PLXNA4: variants seen among roughly 807,000 people sequenced by gnomAD.
PLXNA4 encodes the protein plexin-A4.
Under a neutral mutation model 191.8 loss-of-function variants are expected in PLXNA4, and 44 were observed. The ratio of observed to expected loss-of-function variants is 0.23; its 90% confidence interval spans 0.18 to 0.29. PLXNA4 has a LOEUF of 0.29. Among genes scored for constraint, PLXNA4 ranks in the 10% least tolerant of loss-of-function variants. The pLI is 1.00. For missense variants in PLXNA4, 1,800 were observed against 2,488.8 expected (o/e 0.72, Z 5.89); for synonymous variants, 1,082 against 1,009.5 (o/e 1.07, Z -1.36).
At chr7:132,463,116 G>A (rs1563113498) in intron 3 of PLXNA4, among the ~76,000 whole-genome samples, 3 of 152,036 alleles carry the variant, frequency 2.0e-5, no homozygotes, top group South Asian at 4.1e-4. Flanking sequence ...CTCTCAAAGT[G>A]CTAGGATTAC....
Position 132,211,141 on chromosome 7 carries a change from G to A in PLXNA4, c.2100C>T (p.Asp700=). 1 of 1,556,006 alleles carries A rather than the reference G, an allele frequency of 6.4e-7. No homozygotes were observed. Among genetic ancestry groups the A allele is most frequent in the South Asian group, 1.2e-5 (1 of 84,492 alleles). ...TGTCCACTCGCAGCAGCTGGGGGCA[G>A]TCCTGGGGACAGAGGGCATGGCTCA... ...FQEGRVKLPE[D]CPQLLRVDKI... Residue 700 remains aspartate (D), a splice_region_variant and synonymous_variant, in exon 10 of 32, where the codon GAC becomes GAT. Coordinates refer to ENST00000321063, the MANE Select transcript of PLXNA4 (RefSeq NM_020911.2).
At chr7:132,353,577 A>G (rs1221139502) in intron 3 of PLXNA4, among the ~76,000 whole-genome samples, 1 of 152,106 alleles carries the variant, frequency 6.6e-6, no homozygotes, top group Admixed American at 6.5e-5. Context: ...CTGTTTGGCA[A>G]GTTCTGTTTA....
At chr7:132,279,848 A>T (rs946936553) in intron 4 of PLXNA4, among the ~76,000 whole-genome samples, 6 of 152,190 alleles carry the variant, frequency 3.9e-5, no homozygotes, top group African/African-American at 1.4e-4. Flanking sequence ...TGACATTAGC[A>T]TGACTTGAGA....
At chr7:132,272,327 T>C (rs1424675023) in intron 4 of PLXNA4, among the ~76,000 whole-genome samples, 1 of 152,212 alleles carries the variant, frequency 6.6e-6, no homozygotes, top group African/African-American at 2.4e-5. Context: ...TACAAGTACA[T>C]TACAAACTTC....
intron 25 of PLXNA4, among the ~76,000 whole-genome samples, chr7:132,156,603 G>T (rs1237995021): frequency 6.6e-6 from 1 of 152,248 alleles, no homozygotes; most frequent in Non-Finnish European, 1.5e-5. Flanking sequence ...GGTGCGGGGA[G>T]AAAGTCGGGG....
At chr7:132,359,306 G>A (rs922243761) in intron 3 of PLXNA4, among the ~76,000 whole-genome samples, 26 of 144,004 alleles carry the variant, frequency 1.8e-4, no homozygotes, top group Admixed American at 1.6e-3. Flanking sequence ...ACTGCAACCC[G>A]TACCTTCAGA....
At chr7:132,354,803 C>G (rs1803634012) in intron 3 of PLXNA4, among the ~76,000 whole-genome samples, 1 of 152,200 alleles carries the variant, frequency 6.6e-6, no homozygotes, top group South Asian at 2.1e-4. Context: ...CACAAGGGCC[C>G]TTTGGGAGGC....
chr7:132,318,280 G>T (rs1279209064), intron 3 of PLXNA4, among the ~76,000 whole-genome samples: 1 of 152,234 alleles, frequency 6.6e-6, no homozygotes, highest in African/African-American at 2.4e-5. Flanking sequence ...TCACACCAGG[G>T]TCTGACCCTC....
chr7:132,276,983 C>T (rs1424047295), intron 4 of PLXNA4, among the ~76,000 whole-genome samples: 2 of 152,114 alleles, frequency 1.3e-5, no homozygotes, highest in Admixed American at 1.3e-4. Flanking sequence ...TATAAATACT[C>T]CTGTCACATA....
At chr7:132,409,703 A>G (rs536913304) in intron 3 of PLXNA4, among the ~76,000 whole-genome samples, 2 of 152,352 alleles carry the variant, frequency 1.3e-5, no homozygotes, top group African/African-American at 4.8e-5. Flanking sequence ...CCGTTCAGAG[A>G]AAATACGACT....
intron 3 of PLXNA4, among the ~76,000 whole-genome samples, chr7:132,391,183 G>T (rs73726031): frequency 6.6e-6 from 1 of 152,310 alleles, no homozygotes; most frequent in Admixed American, 6.5e-5. Flanking sequence ...GTATGTGCAC[G>T]TGTGTGCATG....
Position 132,147,999 on chromosome 7 carries a change from C to T in PLXNA4, c.4765G>A (p.Val1589Met), listed in dbSNP as rs267601288. 1 of 1,614,030 alleles carries T rather than the reference C, an allele frequency of 6.2e-7. No individual in the cohort carries two copies. The highest frequency in any genetic ancestry group is 8.5e-7 in the Non-Finnish European group (1 of 1,180,024). ...KRLNTLAHYQ[V>M]PDGSVVALVS... The stretch of plus-strand genomic sequence containing the variant: ...AATGCCACCACGGAACCATCTGGCA[C>T]CTACAGGGAAAAAGCTTCTCAGGGC... The change falls in exon 27 of 32, where the codon GTG becomes ATG. Residue 1589 changes from valine (V) to methionine (M), a missense_variant and splice_region_variant. Physicochemically the swap from Val to Met is conservative, Grantham distance 21 (BLOSUM62 1). Around this residue, in one of 6 missense-constraint regions of PLXNA4, gnomAD observed 214 missense variants for 298.2 expected, o/e 0.72. Coordinates refer to ENST00000321063, the MANE Select transcript of PLXNA4 (RefSeq NM_020911.2).
At chr7:132,380,381 C>T (rs986245772) in intron 3 of PLXNA4, among the ~76,000 whole-genome samples, 3 of 152,168 alleles carry the variant, frequency 2.0e-5, no homozygotes, top group African/African-American at 7.2e-5. Flanking sequence ...TACTGTGGCC[C>T]TCTTGGCTCA....
intron 2 of PLXNA4, among the ~76,000 whole-genome samples, chr7:132,636,652 C>T (rs563635112): frequency 4.3e-4 from 66 of 152,322 alleles, no homozygotes; most frequent in Non-Finnish European, 7.2e-4. Flanking sequence ...TCCAGATTCA[C>T]GTAAAGCCTT....
At chr7:132,620,496 A>G (rs555890367) in intron 2 of PLXNA4, among the ~76,000 whole-genome samples, 1 of 152,210 alleles carries the variant, frequency 6.6e-6, no homozygotes, top group African/African-American at 2.4e-5. Flanking sequence ...TAGGGTTATT[A>G]AAATCCAAAC....
At position 132,168,619 on chromosome 7, in the gene PLXNA4, C is replaced by T. The variant is rs1381884188; in HGVS notation, c.4018-47G>A. 16 of 1,525,010 alleles carry T rather than the reference C, an allele frequency of 1.0e-5. No homozygotes were observed. In the South Asian group the frequency reaches 1.7e-4, roughly 16 times the overall value. The allele number at this position is 1,525,010 out of a possible 1,614,324, so 94.5% of individuals were successfully genotyped here. Reference sequence around the variant, plus strand: ...GTGATGCCATTGGCAGGTTGGGGAGCTCAGTGACCTCCCCACGGGATGGCT... The same window carrying T: ...GTGATGCCATTGGCAGGTTGGGGAGTTCAGTGACCTCCCCACGGGATGGCT... On this transcript the variant is annotated intron_variant, in intron 21 of 31. Coordinates refer to ENST00000321063, the MANE Select transcript of PLXNA4 (RefSeq NM_020911.2).
intron 2 of PLXNA4, among the ~76,000 whole-genome samples, chr7:132,626,050 T>C (rs1393502210): frequency 6.6e-6 from 1 of 152,136 alleles, no homozygotes; most frequent in Admixed American, 6.5e-5. Context: ...TTCATCACCC[T>C]TACCCTTATA....
chr7:132,320,256 C>T (rs368924614), intron 3 of PLXNA4, among the ~76,000 whole-genome samples: 23 of 152,292 alleles, frequency 1.5e-4, no homozygotes, highest in African/African-American at 4.1e-4. Context: ...ATCAAGGGGC[C>T]GGTAGGGCTG....
chr7:132,417,716 G>C (rs1228535461), intron 3 of PLXNA4, among the ~76,000 whole-genome samples: 1 of 151,666 alleles, frequency 6.6e-6, no homozygotes, highest in African/African-American at 2.4e-5. Context: ...AGGTGGGGGA[G>C]GAGGGGAGAG....
Sources: gnomAD v4.1 joint callset for allele counts (sites outside exome capture counted in the v4.1 genomes callset) on GRCh38, gnomAD v4.1.1 for gene constraint, gnomAD v4.1.1 regional missense constraint, MANE v1.5 for transcripts, NCBI Gene and HGNC (gene_info 2026-07-23, HGNC 2026-07-21) for gene names.